MDGA2: variants seen among roughly 807,000 people sequenced by gnomAD.
The protein encoded by MDGA2 is MAM domain-containing glycosylphosphatidylinositol anchor protein 2.
A neutral mutation model predicts 117.8 loss-of-function variants in MDGA2; 40 were observed. That is an observed-to-expected ratio of 0.34 (90% confidence interval 0.26 to 0.44). The LOEUF is 0.44. MDGA2 is among the 20% of genes least tolerant of loss of function. MDGA2 has a pLI of 1.00. For synonymous variants in MDGA2, 452 were observed against 439.0 expected (o/e 1.03, Z -0.37); for missense variants, 1,123 against 1,250.6 (o/e 0.90, Z 1.54).
intron 1 of MDGA2, among the ~76,000 whole-genome samples, chr14:47,374,994 T>A (rs1205356446): frequency 6.6e-6 from 1 of 152,070 alleles, no homozygotes. Flanking sequence ...GAGCTTTAAT[T>A]TTGAAGTCAA....
At chr14:46,897,633 ACTT>A (rs1883126939) in intron 10 of MDGA2, among the ~76,000 whole-genome samples, 1 of 120,336 alleles carries the variant, frequency 8.3e-6, no homozygotes. Context: ...TATATAAAGC[ACTT>A]AAAGATGTTT....
chr14:47,503,269 A>G (rs1196124896), intron 1 of MDGA2, among the ~76,000 whole-genome samples: 1 of 152,004 alleles, frequency 6.6e-6, no homozygotes, highest in African/African-American at 2.4e-5. Context: ...AGTTATAGGA[A>G]AAGCCAAGAG....
At chr14:47,399,674 G>C (rs756642708) in intron 1 of MDGA2, among the ~76,000 whole-genome samples, 10 of 152,066 alleles carry the variant, frequency 6.6e-5, no homozygotes, top group Non-Finnish European at 1.3e-4. Flanking sequence ...GAAATGCCCA[G>C]CAAACACTGA....
At chr14:47,416,253 C>T (rs190095073) in intron 1 of MDGA2, among the ~76,000 whole-genome samples, 18 of 151,910 alleles carry the variant, frequency 1.2e-4, no homozygotes, top group South Asian at 2.1e-4. Flanking sequence ...TTCCATGATA[C>T]AACAGTGAAA....
chr14:47,238,653 A>G (rs932349457), intron 2 of MDGA2, among the ~76,000 whole-genome samples: 6 of 151,806 alleles, frequency 4.0e-5, no homozygotes, highest in Non-Finnish European at 7.4e-5. Context: ...TGGAAATGCC[A>G]TGTTCCCAGA....
intron 3 of MDGA2, among the ~76,000 whole-genome samples, chr14:47,179,049 A>G (rs116355690): frequency 1.8e-3 from 274 of 152,258 alleles, no homozygotes; most frequent in African/African-American, 6.3e-3. Context: ...ATATATCATT[A>G]GAATGTTAAC....
intron 9 of MDGA2, among the ~76,000 whole-genome samples, chr14:46,950,744 T>C (rs557718844): frequency 6.6e-6 from 1 of 151,916 alleles, no homozygotes; most frequent in Non-Finnish European, 1.5e-5. Context: ...TTAACAATAT[T>C]ATGTTGCTTG....
intron 1 of MDGA2, among the ~76,000 whole-genome samples, chr14:47,649,060 T>G (rs1355834752): frequency 1.3e-5 from 2 of 152,190 alleles, no homozygotes; most frequent in African/African-American, 4.8e-5. Flanking sequence ...CATTTTTAAA[T>G]GTCTAAAATT....
At chr14:47,114,537 G>C (rs1372167842) in intron 5 of MDGA2, among the ~76,000 whole-genome samples, 1 of 152,070 alleles carries the variant, frequency 6.6e-6, no homozygotes, top group Non-Finnish European at 1.5e-5. Context: ...CAAGGTTACA[G>C]TAACCAAAAC....
intron 2 of MDGA2, among the ~76,000 whole-genome samples, chr14:47,232,816 A>C (rs1251625828): frequency 6.6e-6 from 1 of 152,184 alleles, no homozygotes; most frequent in Admixed American, 6.6e-5. Context: ...CCATGAGTTT[A>C]AATGATGGTT....
chr14:47,243,167 A>G (rs911387997), intron 2 of MDGA2, among the ~76,000 whole-genome samples: 1 of 151,356 alleles, frequency 6.6e-6, no homozygotes, highest in Non-Finnish European at 1.5e-5. Context: ...AAATGCACCA[A>G]TCGACACTCT....
At chr14:47,396,918 G>A (rs1892024008) in intron 1 of MDGA2, among the ~76,000 whole-genome samples, 1 of 152,184 alleles carries the variant, frequency 6.6e-6, no homozygotes, top group South Asian at 2.1e-4. Flanking sequence ...GTGGAAGACA[G>A]TGTGGCGATT....
At chr14:46,928,546 T>G (rs554984958) in intron 9 of MDGA2, among the ~76,000 whole-genome samples, 83 of 136,664 alleles carry the variant, frequency 6.1e-4, no homozygotes, top group African/African-American at 2.1e-3. Context: ...CAGTATTTAT[T>G]GAATAAATCA....
At chr14:47,313,144 T>C (rs1303926764) in intron 1 of MDGA2, among the ~76,000 whole-genome samples, 1 of 152,138 alleles carries the variant, frequency 6.6e-6, no homozygotes, top group East Asian at 1.9e-4. Context: ...GAAATTATTC[T>C]ATTTTAACCC....
intron 1 of MDGA2, among the ~76,000 whole-genome samples, chr14:47,587,776 T>C (rs1896352834): frequency 2.0e-5 from 3 of 151,938 alleles, no homozygotes; most frequent in Admixed American, 6.6e-5. Flanking sequence ...AGTCTTTGTT[T>C]AGTATATTCG....
intron 10 of MDGA2, among the ~76,000 whole-genome samples, chr14:46,901,579 T>G (rs948454387): frequency 6.6e-6 from 1 of 152,182 alleles, no homozygotes; most frequent in African/African-American, 2.4e-5. Context: ...ACAACCACTA[T>G]GTGCCAAACA....
intron 5 of MDGA2, among the ~76,000 whole-genome samples, chr14:47,116,440 C>T (rs1881335205): frequency 6.6e-6 from 1 of 151,664 alleles, no homozygotes; most frequent in African/African-American, 2.4e-5. Context: ...CCACAAAAAC[C>T]ACAAATAGCC....
intron 1 of MDGA2, among the ~76,000 whole-genome samples, chr14:47,639,589 C>A (rs1415793878): frequency 6.6e-6 from 1 of 152,174 alleles, no homozygotes; most frequent in Non-Finnish European, 1.5e-5. Flanking sequence ...ACAAAAGGGG[C>A]ACAGATAACC....
chr14:46,921,605 C>A (rs1210614400), intron 9 of MDGA2, among the ~76,000 whole-genome samples: 29 of 148,664 alleles, frequency 2.0e-4, no homozygotes, highest in African/African-American at 6.9e-4. Flanking sequence ...GGGGACAGAG[C>A]CAGGCCCTGT....
Sources: allele counts gnomAD v4.1 joint callset (sites outside exome capture counted in the v4.1 genomes callset), GRCh38; gene constraint gnomAD v4.1.1; transcripts MANE v1.5; gene names NCBI Gene and HGNC (gene_info 2026-07-23, HGNC 2026-07-21).